DACH1: variants seen among roughly 807,000 people sequenced by gnomAD.
DACH1 encodes the protein dachshund family transcription factor 1.
In DACH1, 12 loss-of-function variants were observed where a neutral mutation model predicts 54.2. The observed-to-expected ratio is 0.22, with a 90% CI of 0.14 to 0.36. DACH1 has a LOEUF of 0.36. Ranked by LOEUF, DACH1 falls within the 10% of genes least tolerant of loss-of-function variation. DACH1 has a pLI of 1.00. For synonymous variants in DACH1, 386 were observed against 366.2 expected (o/e 1.05, Z -0.62); for missense variants, 805 against 929.8 (o/e 0.87, Z 1.75).
chr13:71,832,972 CTTT>C (rs999895397), intron 1 of DACH1, among the ~76,000 whole-genome samples: 1 of 151,974 alleles, frequency 6.6e-6, no homozygotes, highest in East Asian at 1.9e-4. Context: ...CCACTCCCTA[CTTT>C]TTTATTTTTA....
intron 3 of DACH1, among the ~76,000 whole-genome samples, chr13:71,615,251 G>T (rs1407579933): frequency 6.6e-6 from 1 of 152,116 alleles, no homozygotes; most frequent in Admixed American, 6.5e-5. Flanking sequence ...ATTCATAAGT[G>T]TAGAAATAAT....
At chr13:71,722,173 C>T (rs2137887267) in intron 1 of DACH1, among the ~76,000 whole-genome samples, 1 of 152,208 alleles carries the variant, frequency 6.6e-6, no homozygotes, top group South Asian at 2.1e-4. Context: ...AAACCATCTT[C>T]CTTTTGGCTT....
chr13:71,516,145 G>A (rs757559619), intron 6 of DACH1, among the ~76,000 whole-genome samples: 18 of 151,676 alleles, frequency 1.2e-4, no homozygotes, highest in South Asian at 2.1e-4. Flanking sequence ...TTTTGCTGGC[G>A]GTTAATTTCT....
At chr13:71,794,610 G>T (rs910975702) in intron 1 of DACH1, among the ~76,000 whole-genome samples, 1 of 152,070 alleles carries the variant, frequency 6.6e-6, no homozygotes, top group Admixed American at 6.6e-5. Flanking sequence ...GCTAATTTTT[G>T]TAGTTTTAGT....
intron 1 of DACH1, among the ~76,000 whole-genome samples, chr13:71,694,183 G>A (rs1459420868): frequency 6.6e-6 from 1 of 151,034 alleles, no homozygotes; most frequent in Non-Finnish European, 1.5e-5. Context: ...TAATTTGTTT[G>A]AGAAACCTGT....
chr13:71,461,659 C>T (rs904629118), intron 10 of DACH1, among the ~76,000 whole-genome samples: 1 of 151,862 alleles, frequency 6.6e-6, no homozygotes, highest in Admixed American at 6.6e-5. Context: ...TGCTATCTTA[C>T]ATTTCTCATT....
intron 10 of DACH1, among the ~76,000 whole-genome samples, chr13:71,460,716 T>G (rs1413527169): frequency 6.6e-6 from 1 of 152,058 alleles, no homozygotes; most frequent in Non-Finnish European, 1.5e-5. Context: ...TTGGCCTGTA[T>G]TTTAAAATCT....
intron 2 of DACH1, among the ~76,000 whole-genome samples, chr13:71,669,006 C>A: frequency 6.6e-6 from 1 of 152,180 alleles, no homozygotes; most frequent in East Asian, 1.9e-4. Context: ...ATTCCCAGAA[C>A]TGATATATTC....
chr13:71,728,897 T>C (rs1391178780), intron 1 of DACH1, among the ~76,000 whole-genome samples: 1 of 152,054 alleles, frequency 6.6e-6, no homozygotes, highest in African/African-American at 2.4e-5. Flanking sequence ...ACCACCTGTT[T>C]GGGTTTTGTT....
chr13:71,866,956 C>T lies in DACH1; in HGVS notation c.-187G>A, dbSNP rs1874869370. On this transcript the variant is annotated 5_prime_UTR_variant, in exon 1 of 11. Coordinates refer to ENST00000613252, the MANE Select transcript of DACH1 (RefSeq NM_080759.6). ...AGGTGAAGGTAATAAAGAGCGAGCG[C>T]AAGAGGGGCGAGCACGAGAGGCGCT... The T allele has an allele frequency of 2.2e-6, 1 of 454,506 alleles. No individual in the cohort carries two copies. The highest frequency in any genetic ancestry group is 3.6e-6 in the Non-Finnish European group (1 of 279,702). 28.2% of individuals were successfully genotyped at this position (454,506 alleles called of 1,614,324 possible).
rs374274929 is a variant in DACH1 at position 71,572,936 on chromosome 13, T to C, written c.1203A>G (p.Ala401=). ...TGCTGAGGTGGTTCATCTGGCTCATTGCCATGGTGACAGATGCTGGAGGTA... is the reference window on the plus strand; with the variant it reads ...TGCTGAGGTGGTTCATCTGGCTCATCGCCATGGTGACAGATGCTGGAGGTA... ...VSLPPASVTM[A]MSQMNHLSTI... The change falls in exon 4 of 11, where the codon GCA becomes GCG. Residue 401 remains alanine, a synonymous_variant. Coordinates refer to ENST00000613252, the MANE Select transcript of DACH1 (RefSeq NM_080759.6). 1 of 1,613,990 alleles carries C rather than the reference T, an allele frequency of 6.2e-7. No homozygotes were observed. The highest frequency in any genetic ancestry group is 1.3e-5 in the African/African-American group (1 of 74,928).
chr13:71,632,173 C>T (rs1185462892), intron 2 of DACH1, among the ~76,000 whole-genome samples: 3 of 151,934 alleles, frequency 2.0e-5, no homozygotes, highest in Non-Finnish European at 4.4e-5. Context: ...GACAAGATCT[C>T]GGAAGATCAG....
At chr13:71,588,848 C>T (rs1348185104) in intron 3 of DACH1, among the ~76,000 whole-genome samples, 2 of 151,732 alleles carry the variant, frequency 1.3e-5, no homozygotes, top group Non-Finnish European at 2.9e-5. Flanking sequence ...AGTTATCTGC[C>T]AAAAGCAATC....
chr13:71,556,593 T>A (rs1327117056), intron 6 of DACH1, among the ~76,000 whole-genome samples: 1 of 152,164 alleles, frequency 6.6e-6, no homozygotes, highest in Non-Finnish European at 1.5e-5. Context: ...TACATTGACA[T>A]ATAAAATATA....
chr13:71,656,921 CATATAT>C (rs71123235), intron 2 of DACH1, among the ~76,000 whole-genome samples: 30 of 83,424 alleles, frequency 3.6e-4, no homozygotes, highest in African/African-American at 1.0e-3. Flanking sequence ...GTTCTTCTTT[CATATAT>C]ATATATATAT....
chr13:71,519,018 T>C (rs1008056175), intron 6 of DACH1, among the ~76,000 whole-genome samples: 3 of 151,956 alleles, frequency 2.0e-5, no homozygotes, highest in Non-Finnish European at 4.4e-5. Context: ...TACATCTGGT[T>C]TCTCACTACA....
At chr13:71,816,561 T>C (rs1887928571) in intron 1 of DACH1, among the ~76,000 whole-genome samples, 1 of 148,628 alleles carries the variant, frequency 6.7e-6, no homozygotes, top group Non-Finnish European at 1.5e-5. Context: ...TATATACATA[T>C]ATGTGTGTAT....
At chr13:71,572,790 T>C (rs759535636) in intron 4 of DACH1, 50 bp downstream of exon 4, 3 of 1,553,298 alleles carry the variant, frequency 1.9e-6, no homozygotes, top group African/African-American at 1.4e-5. Flanking sequence ...GATTAAGGGA[T>C]GGTGGCTTAA....
chr13:71,814,887 G>A (rs1244628819), intron 1 of DACH1, among the ~76,000 whole-genome samples: 1 of 152,144 alleles, frequency 6.6e-6, no homozygotes, highest in Non-Finnish European at 1.5e-5. Context: ...TTGAAATTCT[G>A]TACTAACATA....
Sources: gnomAD v4.1 joint callset for allele counts (sites outside exome capture counted in the v4.1 genomes callset) on GRCh38, gnomAD v4.1.1 for gene constraint, MANE v1.5 for transcripts, NCBI Gene and HGNC (gene_info 2026-07-23, HGNC 2026-07-21) for gene names.